Variants in PTPRQ observed in about 807,000 individuals in gnomAD.
PTPRQ encodes phosphatidylinositol phosphatase PTPRQ.
A neutral mutation model predicts 246.0 loss-of-function variants in PTPRQ; 199 were observed. The ratio of observed to expected loss-of-function variants is 0.81; its 90% confidence interval spans 0.72 to 0.91. The LOEUF (loss-of-function observed/expected upper bound fraction) is 0.91. Among genes scored for constraint, PTPRQ ranks in the 40% least tolerant of loss-of-function variants. The pLI, the probability that PTPRQ is intolerant of heterozygous loss-of-function variation, is 0.00. For missense variants in PTPRQ, 2,624 were observed against 2,528.4 expected (o/e 1.04, Z -0.81); for synonymous variants, 869 against 853.2 (o/e 1.02, Z -0.32).
intron 26 of PTPRQ, among the ~76,000 whole-genome samples, chr12:80,591,590 C>CA (rs1897804926): frequency 6.6e-6 from 1 of 152,054 alleles, no homozygotes; most frequent in Non-Finnish European, 1.5e-5. Flanking sequence ...ACAAAGATAG[C>CA]AAAAATATAG....
chr12:80,575,563 C>A (rs1284717108), intron 25 of PTPRQ, among the ~76,000 whole-genome samples: 1 of 152,088 alleles, frequency 6.6e-6, no homozygotes, highest in Non-Finnish European at 1.5e-5. Flanking sequence ...GCCTGGGCAA[C>A]AAAATGGCAC....
chr12:80,573,561 T>C (rs947671962), intron 25 of PTPRQ, among the ~76,000 whole-genome samples: 2 of 152,178 alleles, frequency 1.3e-5, no homozygotes, highest in African/African-American at 4.8e-5. Context: ...CAGGTATACA[T>C]GTGCCATGGT....
chr12:80,605,430 G>A lies in PTPRQ; in HGVS notation c.4731+250G>A, dbSNP rs77937829. ...TATGGTAAATGCTCAATAAATATAA[G>A]ATATTAGTAACATTATTATAATATG... On this transcript the variant is annotated intron_variant, in intron 27 of 44. Transcript: ENST00000644991. Among the ~76,000 whole-genome samples, 9,378 of 151,126 alleles carry A rather than the reference G, an allele frequency of 0.062. 881 individuals carry two copies. The highest frequency in any genetic ancestry group is 0.2 in the African/African-American group (8,280 of 41,286).
intron 36 of PTPRQ, 114 bp downstream of exon 36, chr12:80,649,037 A>G: frequency 1.0e-6 from 1 of 987,132 alleles, no homozygotes; most frequent in Non-Finnish European, 1.4e-6. Context: ...AAAAACCTCC[A>G]AGCTGGATAT....
At chr12:80,630,938 A>T (rs939760456) in intron 33 of PTPRQ, among the ~76,000 whole-genome samples, 2 of 151,788 alleles carry the variant, frequency 1.3e-5, no homozygotes, top group African/African-American at 4.8e-5. Flanking sequence ...GTTGTCTCGA[A>T]CTCCTAACCT....
chr12:80,444,453 C>A, intron 1 of PTPRQ, 54 bp downstream of exon 1: 1 of 1,036,252 alleles, frequency 9.7e-7, no homozygotes, highest in Non-Finnish European at 1.5e-6. Flanking sequence ...CTGTAGATTT[C>A]TCAAGACTTG....
chr12:80,593,834 G>A (rs915230107), intron 26 of PTPRQ: 2 of 152,026 alleles, frequency 1.3e-5, no homozygotes, highest in African/African-American at 4.8e-5. Flanking sequence ...CTGAGGAAAT[G>A]TACAACTTTA....
In PTPRQ at chr12:80,539,854, A is replaced by G. The variant is rs1335262002; in HGVS notation, c.3064A>G (p.Ser1022Gly). 4.5e-6 allele frequency: 7 copies of G among 1,549,018 alleles called. No individual in the cohort carries two copies. In the South Asian group the frequency reaches 7.2e-5, roughly 16 times the overall value. Residue 1022 changes from serine (S) to glycine (G), a missense_variant, in exon 20 of 45, where the codon AGC becomes GGC. By Grantham distance (56) the Ser-to-Gly change is moderately conservative. Coordinates refer to ENST00000644991, the MANE Select transcript of PTPRQ (RefSeq NM_001145026.2). ...STIIDKLTIF[S>G]YYTFWLTAST... ...AATTATAGATAAACTGACAATATTC[A>G]GCTACTATACATTTTGGTTAACAGC...
At chr12:80,476,018 G>C (rs1263653034) in intron 8 of PTPRQ, among the ~76,000 whole-genome samples, 3 of 150,122 alleles carry the variant, frequency 2.0e-5, no homozygotes, top group Non-Finnish European at 4.4e-5. Context: ...TTAGTTGCCT[G>C]ATTAATATGA....
Position 80,663,147 on chromosome 12 carries a change from T to C in PTPRQ, c.6192+5086T>C, listed in dbSNP as rs182914720. Among the ~76,000 whole-genome samples the C allele has an allele frequency of 7.9e-5, 12 of 151,874 alleles. No homozygotes were observed. The East Asian group carries it at 1.6e-3, about 20-fold the overall frequency. On this transcript the variant is annotated intron_variant, in intron 39 of 44. Coordinates refer to ENST00000644991, the MANE Select transcript of PTPRQ (RefSeq NM_001145026.2). Reference sequence around the variant, plus strand: ...TTAAATAACAGATAATACATAGATATATGTATTAAAAAGAAATATAAAATA... The same window carrying C: ...TTAAATAACAGATAATACATAGATACATGTATTAAAAAGAAATATAAAATA...
chr12:80,585,730 TC>T (rs1897591036), intron 25 of PTPRQ, among the ~76,000 whole-genome samples: 1 of 151,752 alleles, frequency 6.6e-6, no homozygotes, highest in African/African-American at 2.4e-5. Context: ...ATCTTCTTTT[TC>T]TTTTTTTTTT....
At chr12:80,500,386 C>T (rs1894761270) in intron 14 of PTPRQ, among the ~76,000 whole-genome samples, 2 of 151,980 alleles carry the variant, frequency 1.3e-5, no homozygotes, top group Admixed American at 1.3e-4. Flanking sequence ...CTTGCTTTAT[C>T]TACCTGATGA....
At chr12:80,582,485 C>T (rs552712696) in intron 25 of PTPRQ, among the ~76,000 whole-genome samples, 4 of 152,066 alleles carry the variant, frequency 2.6e-5, no homozygotes, top group Non-Finnish European at 2.9e-5. Flanking sequence ...AGGGTAGAAC[C>T]CTCATGAATG....
At chr12:80,634,805 TA>T in intron 34 of PTPRQ, 139 bp from the exon 35 acceptor site, 1 of 1,270,298 alleles carries the variant, frequency 7.9e-7, no homozygotes, top group Non-Finnish European at 1.0e-6. Flanking sequence ...CGAGTAGCTA[TA>T]AATTTGCAAC....
At chr12:80,653,598 G>A (rs1276627055) in intron 38 of PTPRQ, among the ~76,000 whole-genome samples, 2 of 152,068 alleles carry the variant, frequency 1.3e-5, no homozygotes, top group South Asian at 4.1e-4. Context: ...ATCTGTGTGT[G>A]TATATATATA....
chr12:80,491,264 T>C (rs1407059506), intron 9 of PTPRQ, among the ~76,000 whole-genome samples: 1 of 151,956 alleles, frequency 6.6e-6, no homozygotes, highest in African/African-American at 2.4e-5. Flanking sequence ...CTCACTATAG[T>C]TCATTCTATA....
chr12:80,623,815 G>C (rs1899089713), intron 33 of PTPRQ, among the ~76,000 whole-genome samples: 1 of 152,078 alleles, frequency 6.6e-6, no homozygotes, highest in Non-Finnish European at 1.5e-5. Context: ...GACATTCAGG[G>C]TAATGGAAAT....
At chr12:80,571,335 T>A (rs535375111) in intron 25 of PTPRQ, among the ~76,000 whole-genome samples, 5 of 152,362 alleles carry the variant, frequency 3.3e-5, no homozygotes, top group African/African-American at 1.2e-4. Flanking sequence ...AGACAGGGTT[T>A]CACCCTGTTG....
intron 6 of PTPRQ, among the ~76,000 whole-genome samples, chr12:80,463,532 C>A (rs1408850822): frequency 1.3e-5 from 2 of 152,146 alleles, no homozygotes; most frequent in Non-Finnish European, 2.9e-5. Flanking sequence ...CAAAGATACT[C>A]CTTGAGAAGA....
Sources: gnomAD v4.1 joint callset for allele counts (sites outside exome capture counted in the v4.1 genomes callset) on GRCh38, gnomAD v4.1.1 for gene constraint, MANE v1.5 for transcripts, NCBI Gene and HGNC (gene_info 2026-07-23, HGNC 2026-07-21) for gene names.